KREMEN1: variants seen among roughly 807,000 people sequenced by gnomAD.
KREMEN1 encodes kringle containing transmembrane protein 1.
Under a neutral mutation model 46.5 loss-of-function variants are expected in KREMEN1, and 30 were observed. The observed-to-expected ratio is 0.65, with a 90% CI of 0.48 to 0.88. The LOEUF is 0.88. Among genes scored for constraint, KREMEN1 ranks in the 40% least tolerant of loss-of-function variants. The pLI, the probability that KREMEN1 is intolerant of heterozygous loss-of-function variation, is 0.00. For missense variants in KREMEN1, 533 were observed against 596.9 expected (o/e 0.89, Z 1.11); for synonymous variants, 214 against 230.6 (o/e 0.93, Z 0.65).
At chr22:29,093,271 G>A (rs1046927874) in intron 1 of KREMEN1, among the ~76,000 whole-genome samples, 1 of 152,192 alleles carries the variant, frequency 6.6e-6, no homozygotes, top group Non-Finnish European at 1.5e-5. Context: ...TGCATGCCAG[G>A]AGAAGGAAAG....
downstream of KREMEN1, among the ~76,000 whole-genome samples, chr22:29,151,636 C>T (rs1333635132): frequency 6.6e-6 from 1 of 152,098 alleles, no homozygotes; most frequent in African/African-American, 2.4e-5. Context: ...GACACCAAAA[C>T]CTGAAGTTTA....
At chr22:29,137,710 G>A (rs774114786) in intron 6 of KREMEN1, 36 bp downstream of exon 6, 6 of 1,507,794 alleles carry the variant, frequency 4.0e-6, no homozygotes, top group Non-Finnish European at 3.6e-6. Context: ...GTTCTTCAGG[G>A]CCCACGTGCC....
chr22:29,145,627 G>A lies in KREMEN1; in HGVS notation c.*3515G>A, dbSNP rs189884988. 276 of 985,526 alleles carry A rather than the reference G, an allele frequency of 2.8e-4. 3 individuals are homozygous for A. The East Asian group carries it at 0.021, about 76-fold the overall frequency. The allele number at this position is 985,526 out of a possible 1,614,324, so 61.0% of individuals were successfully genotyped here. A position where few individuals can be genotyped will look rare whatever the true frequency, so the allele number is the denominator to read the frequency against. ...CTGAGAAGGCAGGCGGGAGGCACAC[G>A]GTGCCCTGTTCTTCCCCGTTTGTCC... On this transcript the variant is annotated 3_prime_UTR_variant, in exon 9 of 9. Coordinates refer to ENST00000400335, the MANE Select transcript of KREMEN1 (RefSeq NM_001039570.3).
At chr22:29,165,804 G>A (rs1201400861) in intron 9 of KREMEN1, among the ~76,000 whole-genome samples, 1 of 152,194 alleles carries the variant, frequency 6.6e-6, no homozygotes, top group Non-Finnish European at 1.5e-5. Context: ...AAGACATTGT[G>A]TTTCTCTCCT....
At position 29,141,881 on chromosome 22, in the gene KREMEN1, G is replaced by C. The variant is rs139707502; in HGVS notation, c.1209-63G>C. ...CCCCATTTCATAGATACAGTATCTC[G>C]TGAGATGGTAGGTTGTTTGCGTTGT... On this transcript the variant is annotated intron_variant, in intron 8 of 8. Coordinates refer to ENST00000400335, the MANE Select transcript of KREMEN1 (RefSeq NM_001039570.3). The C allele has an allele frequency of 1.7e-4, 228 of 1,324,078 alleles. 1 individual carries two copies. Among genetic ancestry groups the C allele is most frequent in the Non-Finnish European group, 2.3e-4 (217 of 964,196 alleles). The allele number at this position is 1,324,078 out of a possible 1,614,324, so 82.0% of individuals were successfully genotyped here. A position where few individuals can be genotyped will look rare whatever the true frequency, so the allele number is the denominator to read the frequency against.
At chr22:29,119,109 A>G (rs1366471207) in intron 3 of KREMEN1, among the ~76,000 whole-genome samples, 1 of 152,218 alleles carries the variant, frequency 6.6e-6, no homozygotes, top group Non-Finnish European at 1.5e-5. Context: ...GCACTTTGGG[A>G]GGCTGAGGCA....
chr22:29,133,403 C>T (rs1434754875), intron 5 of KREMEN1, among the ~76,000 whole-genome samples: 1 of 151,968 alleles, frequency 6.6e-6, no homozygotes, highest in Non-Finnish European at 1.5e-5. Flanking sequence ...TGGGCTCAAG[C>T]AATCCTCCTG....
intron 9 of KREMEN1, among the ~76,000 whole-genome samples, chr22:29,162,381 T>C (rs1338400175): frequency 2.7e-5 from 4 of 150,810 alleles, no homozygotes; most frequent in African/African-American, 9.9e-5. Context: ...GCCAACATCA[T>C]ACTGAATAGG....
At chr22:29,157,859 A>G (rs1276191610) in intron 9 of KREMEN1, among the ~76,000 whole-genome samples, 4 of 152,212 alleles carry the variant, frequency 2.6e-5, no homozygotes, top group African/African-American at 9.6e-5. Context: ...TCATTCCACC[A>G]TCTGTGTCAC....
At position 29,142,626 on chromosome 22, in the gene KREMEN1, C is replaced by G; in HGVS notation, c.*514C>G. 2.0e-6 allele frequency: 2 copies of G among 985,602 alleles called. No individual in the cohort carries two copies. Among genetic ancestry groups the G allele is most frequent in the Non-Finnish European group, 2.4e-6 (2 of 830,066 alleles). The allele number at this position is 985,602 out of a possible 1,614,324, so 61.1% of individuals were successfully genotyped here. On this transcript the variant is annotated 3_prime_UTR_variant, in exon 9 of 9. Transcript: ENST00000400335. ...AGTTGGTCCCATACAAGTGCGGACTCCTGGACATTAGCGAGGTGTAAAGAG... is the reference window on the plus strand; with the variant it reads ...AGTTGGTCCCATACAAGTGCGGACTGCTGGACATTAGCGAGGTGTAAAGAG...
At chr22:29,118,967 G>A (rs2038288245) in intron 3 of KREMEN1, among the ~76,000 whole-genome samples, 3 of 152,044 alleles carry the variant, frequency 2.0e-5, no homozygotes, top group African/African-American at 7.2e-5. Context: ...ACAAATTGGG[G>A]TTTCCCACAA....
chr22:29,142,366 C>G lies in KREMEN1; in HGVS notation c.*254C>G, dbSNP rs2038778415. 8.5e-7 allele frequency: 1 copy of G among 1,181,358 alleles called. No individual in the cohort carries two copies. Among genetic ancestry groups the G allele is most frequent in the Non-Finnish European group, 1.0e-6 (1 of 955,358 alleles). The allele number at this position is 1,181,358 out of a possible 1,614,324, so 73.2% of individuals were successfully genotyped here. ...CCCTGGGGCCCGGCCCTCTCTGCAT[C>G]TCTCTCTGATCTAGCTAGCAGTGGG... On this transcript the variant is annotated 3_prime_UTR_variant, in exon 9 of 9. Coordinates refer to ENST00000400335, the MANE Select transcript of KREMEN1 (RefSeq NM_001039570.3).
chr22:29,073,169 C>T lies in KREMEN1; in HGVS notation c.39C>T (p.Ala13=). The T allele has an allele frequency of 8.6e-7, 1 of 1,166,658 alleles. No homozygotes were observed. The allele number at this position is 1,166,658 out of a possible 1,614,324, so 72.3% of individuals were successfully genotyped here. ...PPAARLALLS[A]AALTLAARPA... is the part of the protein sequence containing the mutation. The stretch of plus-strand genomic sequence containing the variant: ...CCGCCCGCCTCGCCCTGCTCTCCGC[C>T]GCGGCGCTCACGCTGGCGGCCCGGC... Residue 13 remains alanine (A), a synonymous_variant, in exon 1 of 9, where the codon GCC becomes GCT. Coordinates refer to ENST00000400335, the MANE Select transcript of KREMEN1 (RefSeq NM_001039570.3). The surrounding 1 kb of genome is among the most constrained non-coding windows in gnomAD (Gnocchi z 4.4).
chr22:29,120,205 GA>G, intron 3 of KREMEN1, among the ~76,000 whole-genome samples: 1 of 137,470 alleles, frequency 7.3e-6, no homozygotes, highest in African/African-American at 2.7e-5. Flanking sequence ...AGGGAGGAGG[GA>G]GAGGTGATGA....
chr22:29,122,343 C>G (rs1361061596), intron 4 of KREMEN1, among the ~76,000 whole-genome samples: 3 of 152,178 alleles, frequency 2.0e-5, no homozygotes, highest in African/African-American at 4.8e-5. Flanking sequence ...CAACTGAACT[C>G]TCATAGACTG....
chr22:29,091,367 A>G (rs1601759027), intron 1 of KREMEN1, among the ~76,000 whole-genome samples: 1 of 152,138 alleles, frequency 6.6e-6, no homozygotes, highest in Admixed American at 6.6e-5. Context: ...GCAGTTTGCT[A>G]TGTATAGCTA....
intron 9 of KREMEN1, among the ~76,000 whole-genome samples, chr22:29,157,301 A>G (rs1391125367): frequency 1.3e-5 from 2 of 152,156 alleles, no homozygotes; most frequent in East Asian, 3.8e-4. Flanking sequence ...CGAGGCCCAG[A>G]GAGCAGAATT....
At chr22:29,076,750 G>C (rs2037578720) in intron 1 of KREMEN1, among the ~76,000 whole-genome samples, 1 of 152,186 alleles carries the variant, frequency 6.6e-6, no homozygotes. Flanking sequence ...TACTTGGGAG[G>C]CTAAGGCAGG....
At position 29,114,988 on chromosome 22, in the gene KREMEN1, CAGTG is replaced by C. The variant is rs149323635; in HGVS notation, c.353-6366_353-6363del. ...GATGTTCCTACATAGCCAAAGAAGACAGTGAGAAGAAAGGAGTCAAAACCAACTG... is the reference window on the plus strand; with the variant it reads ...GATGTTCCTACATAGCCAAAGAAGACAGAAGAAAGGAGTCAAAACCAACTG... On this transcript the variant is annotated intron_variant, in intron 3 of 8. Coordinates refer to ENST00000400335, the MANE Select transcript of KREMEN1 (RefSeq NM_001039570.3). Among the ~76,000 whole-genome samples the C allele has an allele frequency of 8.3e-3, 1,259 of 152,280 alleles. 15 individuals are homozygous for C. Among genetic ancestry groups the C allele is most frequent in the African/African-American group, 0.028 (1,181 of 41,534 alleles).
Sources: allele counts gnomAD v4.1 joint callset (sites outside exome capture counted in the v4.1 genomes callset), GRCh38; gene constraint gnomAD v4.1.1; non-coding constraint Gnocchi (gnomAD v3.1); transcripts MANE v1.5; gene names NCBI Gene and HGNC (gene_info 2026-07-23, HGNC 2026-07-21).